Variants in GPCPD1 observed in about 807,000 individuals in gnomAD.
GPCPD1 encodes the protein glycerophosphocholine phosphodiesterase 1.
GPCPD1 carries 29 observed loss-of-function variants against 89.2 expected under a neutral mutation model. That is an observed-to-expected ratio of 0.33 (90% confidence interval 0.24 to 0.44). The LOEUF (loss-of-function observed/expected upper bound fraction) is 0.44. GPCPD1 is among the 20% of genes least tolerant of loss of function. GPCPD1 has a pLI of 1.00. For missense variants in GPCPD1, 594 were observed against 808.9 expected (o/e 0.73, Z 3.22); for synonymous variants, 258 against 266.3 (o/e 0.97, Z 0.30).
chr20:5,556,517 T>C (rs909388214), intron 19 of GPCPD1, among the ~76,000 whole-genome samples: 2 of 152,212 alleles, frequency 1.3e-5, no homozygotes, highest in Non-Finnish European at 2.9e-5. Context: ...ACATAACATT[T>C]ATATGCACTC....
chr20:5,552,215 C>A (rs1985456152), intron 19 of GPCPD1, among the ~76,000 whole-genome samples: 1 of 152,084 alleles, frequency 6.6e-6, no homozygotes, highest in South Asian at 2.1e-4. Context: ...CATAACCCAC[C>A]TTTCCCCTCC....
chr20:5,578,826 A>T (rs1978312969), intron 7 of GPCPD1, among the ~76,000 whole-genome samples: 1 of 152,204 alleles, frequency 6.6e-6, no homozygotes, highest in Admixed American at 6.5e-5. Flanking sequence ...ATATTTTTGC[A>T]AAGTATTAAA....
intron 1 of GPCPD1, among the ~76,000 whole-genome samples, chr20:5,605,545 G>A (rs1189733099): frequency 1.3e-5 from 2 of 152,132 alleles, no homozygotes; most frequent in South Asian, 2.1e-4. Flanking sequence ...TTGGGAGGCC[G>A]AGGAGGGCAG....
intron 6 of GPCPD1, among the ~76,000 whole-genome samples, chr20:5,581,200 A>G (rs549745389): frequency 6.6e-6 from 1 of 152,314 alleles, no homozygotes; most frequent in Admixed American, 6.5e-5. Flanking sequence ...GTAATAATAC[A>G]TTGAGGTTAC....
intron 11 of GPCPD1, among the ~76,000 whole-genome samples, chr20:5,571,464 A>C (rs1986712757): frequency 6.6e-6 from 1 of 152,216 alleles, no homozygotes; most frequent in African/African-American, 2.4e-5. Flanking sequence ...AACAGACCGA[A>C]ACATCTTCAT....
chr20:5,569,993 G>C (rs959272880), intron 12 of GPCPD1, among the ~76,000 whole-genome samples, 154 bp downstream of exon 12: 6 of 152,116 alleles, frequency 3.9e-5, no homozygotes, highest in African/African-American at 1.4e-4. Context: ...TCTCAATGTT[G>C]CAAGAGCATG....
chr20:5,595,806 A>AG (rs34342997), intron 3 of GPCPD1, among the ~76,000 whole-genome samples: 57,048 of 150,024 alleles, frequency 0.38, 11,041 homozygotes, highest in East Asian at 0.47. Flanking sequence ...AAAGAAAAAA[A>AG]GGGGGGGGGA....
intron 12 of GPCPD1, 35 bp downstream of exon 12, chr20:5,570,112 C>T: frequency 1.1e-6 from 1 of 920,830 alleles, no homozygotes; most frequent in East Asian, 2.5e-5. Flanking sequence ...TTTTACTTAA[C>T]ATTAAGAGTT....
chr20:5,596,198 A>C (rs1478033633), intron 3 of GPCPD1, among the ~76,000 whole-genome samples: 6 of 152,126 alleles, frequency 3.9e-5, no homozygotes, highest in Non-Finnish European at 8.8e-5. Flanking sequence ...AGGAGTTCAC[A>C]AACAGCCTAG....
intron 3 of GPCPD1, among the ~76,000 whole-genome samples, chr20:5,594,077 A>C (rs913899069): frequency 6.6e-6 from 1 of 152,222 alleles, no homozygotes; most frequent in Non-Finnish European, 1.5e-5. Context: ...TTGACTCAAC[A>C]GCTGCCTTAA....
rs1833364229 is a variant in GPCPD1, at chr20:5,558,107, TAGA to T, written c.1669-5_1669-3del. ...GTCTTCAGTATGTACATTTATCCCC[TAGA>T]AGAAGAAAAATTAGTTGTGCATGAA... On this transcript the variant is annotated splice_region_variant and splice_polypyrimidine_tract_variant and intron_variant, in intron 18 of 19. Transcript: ENST00000379019. 5 of 1,558,168 alleles carry T rather than the reference TAGA, an allele frequency of 3.2e-6. No individual in the cohort carries two copies. The highest frequency in any genetic ancestry group is 4.4e-6 in the Non-Finnish European group (5 of 1,149,202).
intron 8 of GPCPD1, 80 bp from the exon 9 acceptor site, chr20:5,576,058 C>G: frequency 6.8e-6 from 4 of 591,058 alleles, no homozygotes; most frequent in Non-Finnish European, 1.2e-5. Flanking sequence ...CACACACACA[C>G]ACAGACACAC....
chr20:5,566,886 A>C, intron 13 of GPCPD1, 114 bp from the exon 14 acceptor site: 3 of 696,226 alleles, frequency 4.3e-6, no homozygotes, highest in Non-Finnish European at 2.6e-6. Context: ...TAAAACGTAG[A>C]ACTATCAGTT....
intron 3 of GPCPD1, among the ~76,000 whole-genome samples, chr20:5,597,328 A>C (rs562733099): frequency 6.6e-6 from 1 of 152,186 alleles, no homozygotes; most frequent in South Asian, 2.1e-4. Context: ...AGTGCTCCTC[A>C]AACTATTTGC....
chr20:5,545,126 A>G lies in GPCPD1; in HGVS notation c.*2535T>C, dbSNP rs1984973064. 1.3e-5 allele frequency: 2 copies of G among 152,208 alleles called. No homozygotes were observed. The highest frequency in any genetic ancestry group is 4.1e-4 in the South Asian group (2 of 4,826). 9.4% of individuals were successfully genotyped at this position (152,208 alleles called of 1,614,324 possible). ...AAATAATTTAACATTATACCTCTAC[A>G]TTTCAAAATTCACATCAATAAACCA... On this transcript the variant is annotated 3_prime_UTR_variant, in exon 20 of 20. Transcript: ENST00000379019.
chr20:5,548,485 ACT>A (rs1985166371), intron 19 of GPCPD1: 1 of 152,246 alleles, frequency 6.6e-6, no homozygotes, highest in Non-Finnish European at 1.5e-5. Context: ...AAATATGGTG[ACT>A]CTAATAAATA....
rs755253681 is a variant in GPCPD1 at position 5,558,869 on chromosome 20, T to C, written c.1533-50A>G. The C allele has an allele frequency of 6.4e-6, 9 of 1,401,984 alleles. No homozygotes were observed. In the African/African-American group the frequency reaches 7.4e-5, roughly 11 times the overall value. 86.8% of individuals were successfully genotyped at this position (1,401,984 alleles called of 1,614,324 possible). A position where few individuals can be genotyped will look rare whatever the true frequency, so the allele number is the denominator to read the frequency against. On this transcript the variant is annotated intron_variant, in intron 17 of 19. Coordinates refer to ENST00000379019, the MANE Select transcript of GPCPD1 (RefSeq NM_019593.5). ...ACCTTTCAATGGGGGGTAACTGTAA[T>C]ATTCCTTTTTGGAATTTTAGAAAAC... is the stretch of plus-strand genomic sequence containing the variant.
intron 1 of GPCPD1, 78 bp downstream of exon 1, chr20:5,610,764 C>T (rs1353859474): frequency 1.3e-5 from 2 of 150,410 alleles, no homozygotes; most frequent in Non-Finnish European, 3.0e-5. Flanking sequence ...CCAGGCCCGC[C>T]GCGTCCCGGG....
intron 1 of GPCPD1, among the ~76,000 whole-genome samples, chr20:5,610,064 C>T (rs1980854927): frequency 6.6e-6 from 1 of 152,186 alleles, no homozygotes; most frequent in Non-Finnish European, 1.5e-5. Context: ...ATCAGACTAA[C>T]AGCTGCCTTA....
Sources: gnomAD v4.1 joint callset for allele counts (sites outside exome capture counted in the v4.1 genomes callset) on GRCh38, gnomAD v4.1.1 for gene constraint, MANE v1.5 for transcripts, NCBI Gene and HGNC (gene_info 2026-07-23, HGNC 2026-07-21) for gene names.